Variants in THSD7B observed in about 807,000 individuals in gnomAD.
THSD7B encodes the protein thrombospondin type-1 domain-containing protein 7B.
THSD7B carries 138 observed loss-of-function variants against 213.6 expected under a neutral mutation model. The observed-to-expected ratio is 0.65, with a 90% CI of 0.56 to 0.74. The LOEUF (loss-of-function observed/expected upper bound fraction) is 0.74, where lower values mean the gene tolerates loss of function less well. Among genes scored for constraint, THSD7B ranks in the 30% least tolerant of loss-of-function variants. THSD7B has a pLI of 0.00. For synonymous variants in THSD7B, 742 were observed against 687.0 expected, an observed-to-expected ratio of 1.08 and a Z score of -1.25; for missense variants, 1,931 against 1,991.5, an observed-to-expected ratio of 0.97 and a Z score of 0.58.
intron 24 of THSD7B, among the ~76,000 whole-genome samples, chr2:137,658,110 T>C (rs1683274046): frequency 6.6e-6 from 1 of 152,260 alleles, no homozygotes; most frequent in African/African-American, 2.4e-5. Flanking sequence ...AGAGCTGAAA[T>C]GCCTATAGGA....
Position 137,200,623 on chromosome 2 carries a change from C to T in THSD7B, c.1723+29685C>T, listed in dbSNP as rs1332418800. 3.3e-5 allele frequency among the ~76,000 whole-genome samples: 5 copies of T among 151,994 alleles called. No individual in the cohort carries two copies. In the East Asian group the frequency reaches 7.7e-4, roughly 23 times the overall value. ...TCCCTGAACCTCTCCTGCCCCATCC[C>T]AGTCACACATATGGTCCATACTGTA... is the stretch of plus-strand genomic sequence containing the variant. On this transcript the variant is annotated intron_variant, in intron 7 of 27. Transcript: ENST00000409968.
intron 1 of THSD7B, among the ~76,000 whole-genome samples, chr2:136,849,494 A>G (rs1477161513): frequency 6.6e-6 from 1 of 152,148 alleles, no homozygotes; most frequent in Non-Finnish European, 1.5e-5. Flanking sequence ...GTGCCTAACT[A>G]TGGCCAGACT....
In THSD7B at chr2:137,163,131, G is replaced by T. The variant is rs570493690; in HGVS notation, c.1525+2763G>T. Among the ~76,000 whole-genome samples the T allele has an allele frequency of 3.9e-5, 6 of 152,026 alleles. No homozygotes were observed. The East Asian group carries it at 5.8e-4, about 15-fold the overall frequency. ...AGACCCCCTCCCTTGGCCCCATTCC[G>T]CCAAGTAACATTTTTTGCCAAACTT... On this transcript the variant is annotated intron_variant, in intron 6 of 27. Coordinates refer to ENST00000409968, the MANE Select transcript of THSD7B (RefSeq NM_001316349.2).
chr2:136,983,342 C>CACACACAG (rs1313825698), intron 2 of THSD7B, among the ~76,000 whole-genome samples: 1 of 128,526 alleles, frequency 7.8e-6, no homozygotes, highest in African/African-American at 3.2e-5. Context: ...AACACACACA[C>CACACACAG]ACACACAGAC....
intron 7 of THSD7B, among the ~76,000 whole-genome samples, chr2:137,190,560 G>C (rs1401734259): frequency 6.6e-6 from 1 of 152,106 alleles, no homozygotes. Flanking sequence ...CTTGGCAAAA[G>C]TATCCTCGGG....
chr2:137,417,264 T>G (rs909513693), intron 14 of THSD7B, among the ~76,000 whole-genome samples: 6 of 152,234 alleles, frequency 3.9e-5, no homozygotes, highest in Non-Finnish European at 5.9e-5. Flanking sequence ...GTGTATGTAT[T>G]GAATTTTAAA....
At chr2:137,593,128 T>C (rs2104815432) in intron 17 of THSD7B, among the ~76,000 whole-genome samples, 1 of 152,070 alleles carries the variant, frequency 6.6e-6, no homozygotes, top group East Asian at 1.9e-4. Flanking sequence ...TAAATAGTAT[T>C]TCACTGTAGG....
At chr2:137,634,975 T>C (rs182094462) in intron 20 of THSD7B, among the ~76,000 whole-genome samples, 6 of 152,292 alleles carry the variant, frequency 3.9e-5, no homozygotes, top group African/African-American at 9.6e-5. Flanking sequence ...TATTATTTTT[T>C]CTAAAGATCT....
intron 17 of THSD7B, among the ~76,000 whole-genome samples, chr2:137,605,144 T>A (rs1682147768): frequency 6.6e-6 from 1 of 152,204 alleles, no homozygotes; most frequent in African/African-American, 2.4e-5. Context: ...TTTGGCTGCA[T>A]GTCTTGTTTT....
chr2:137,233,112 T>C lies in THSD7B; in HGVS notation c.2129T>C (p.Val710Ala), dbSNP rs761491567. 2 of 1,613,520 alleles carry C rather than the reference T, an allele frequency of 1.2e-6. No individual in the cohort carries two copies. The highest frequency in any genetic ancestry group is 1.7e-6 in the Non-Finnish European group (2 of 1,179,706). ...AGAGTCTTCTGTGTCAAGAGTCACG[T>C]GGGACAAGTAATGACCAAAAGGTAT... ...TRRVFCVKSHVGQVMTKRCPD... is the reference protein window; with the variant it reads ...TRRVFCVKSHAGQVMTKRCPD... The change falls in exon 9 of 28, where the codon GTG becomes GCG. Residue 710 changes from valine to alanine, a missense_variant. Physicochemically the swap from Val to Ala is moderately conservative, Grantham distance 64. Coordinates refer to ENST00000409968, the MANE Select transcript of THSD7B (RefSeq NM_001316349.2).
intron 5 of THSD7B, among the ~76,000 whole-genome samples, chr2:137,136,032 A>G (rs1679450458): frequency 2.0e-5 from 3 of 152,140 alleles, no homozygotes; most frequent in Admixed American, 1.3e-4. Context: ...AACCATCATT[A>G]TCAGCAAACT....
intron 15 of THSD7B, among the ~76,000 whole-genome samples, chr2:137,524,287 G>T: frequency 6.6e-6 from 1 of 152,192 alleles, no homozygotes; most frequent in South Asian, 2.1e-4. Flanking sequence ...CCCAACTCAT[G>T]AAGAAATTCG....
At chr2:137,056,141 A>C (rs1021855482) in intron 2 of THSD7B, among the ~76,000 whole-genome samples, 1 of 152,202 alleles carries the variant, frequency 6.6e-6, no homozygotes, top group African/African-American at 2.4e-5. Flanking sequence ...GAGCAATTCT[A>C]CAAGTCGGTG....
chr2:136,793,417 A>G (rs1278457768), intron 1 of THSD7B, among the ~76,000 whole-genome samples: 1 of 152,040 alleles, frequency 6.6e-6, no homozygotes, highest in Non-Finnish European at 1.5e-5. Context: ...TGCCCATTCT[A>G]AAAATTGGGT....
chr2:137,432,356 G>C (rs920706743), intron 14 of THSD7B, among the ~76,000 whole-genome samples: 4 of 152,158 alleles, frequency 2.6e-5, no homozygotes, highest in South Asian at 2.1e-4. Flanking sequence ...GCGCCACTGC[G>C]CTCCAGCCTG....
chr2:137,123,945 A>G (rs1688588285), intron 5 of THSD7B, among the ~76,000 whole-genome samples: 1 of 152,162 alleles, frequency 6.6e-6, no homozygotes, highest in African/African-American at 2.4e-5. Context: ...GGCAAAAGGT[A>G]GATAAGAACT....
chr2:136,801,878 T>A (rs1473137485), intron 1 of THSD7B, among the ~76,000 whole-genome samples: 1 of 152,118 alleles, frequency 6.6e-6, no homozygotes, highest in Non-Finnish European at 1.5e-5. Flanking sequence ...TGATAGCATC[T>A]TAAACCAGAG....
At chr2:137,456,576 G>T (rs1687768292) in intron 15 of THSD7B, among the ~76,000 whole-genome samples, 1 of 152,176 alleles carries the variant, frequency 6.6e-6, no homozygotes, top group South Asian at 2.1e-4. Context: ...TAGAACTTTG[G>T]CAGGAGCCCC....
At chr2:137,427,023 C>G (rs1573619276) in intron 14 of THSD7B, among the ~76,000 whole-genome samples, 1 of 151,852 alleles carries the variant, frequency 6.6e-6, no homozygotes, top group East Asian at 1.9e-4. Flanking sequence ...GACATACAAA[C>G]AGCCAACAAG....
Sources: gnomAD v4.1 joint callset for allele counts (sites outside exome capture counted in the v4.1 genomes callset) on GRCh38, gnomAD v4.1.1 for gene constraint, MANE v1.5 for transcripts, NCBI Gene and HGNC (gene_info 2026-07-23, HGNC 2026-07-21) for gene names.